The following GALNT13 variants were observed in gnomAD, a reference collection of about 807,000 sequenced individuals.
GALNT13 encodes polypeptide N-acetylgalactosaminyltransferase 13, also known as UDP-GalNAc:polypeptide N-acetylgalactosaminyltransferase 13.
A neutral mutation model predicts 64.2 loss-of-function variants in GALNT13; 28 were observed. The ratio of observed to expected loss-of-function variants is 0.44; its 90% CI spans 0.32 to 0.60. The LOEUF is 0.60. GALNT13 is among the 20% of genes least tolerant of loss of function. The pLI is 0.05. For missense variants in GALNT13, 577 were observed against 669.8 expected, an observed-to-expected ratio of 0.86 and a Z score of 1.53; for synonymous variants, 214 against 224.6, an observed-to-expected ratio of 0.95 and a Z score of 0.42.
chr2:154,193,564 C>A (rs1391317580), intron 4 of GALNT13, among the ~76,000 whole-genome samples: 2 of 152,220 alleles, frequency 1.3e-5, no homozygotes, highest in African/African-American at 2.4e-5. Flanking sequence ...AGATTCCTGG[C>A]CTGATCAGTG....
Position 154,363,815 on chromosome 2 carries a change from C to G in GALNT13, c.1157-32176C>G, listed in dbSNP as rs796823089. On this transcript the variant is annotated intron_variant, in intron 9 of 12. Transcript: ENST00000392825. Reference sequence around the variant, plus strand: ...AATGTCTATATTCATCTGAAAATATCACCCAAGTGCTTTATCCCATCTACA... The same window carrying G: ...AATGTCTATATTCATCTGAAAATATGACCCAAGTGCTTTATCCCATCTACA... Among the ~76,000 whole-genome samples the G allele has an allele frequency of 1.7e-4, 26 of 152,288 alleles. 1 individual carries two copies. Among genetic ancestry groups the G allele is most frequent in the African/African-American group, 6.3e-4 (26 of 41,572 alleles).
At chr2:153,099,730 G>A in the GALNT13 span, among the ~76,000 whole-genome samples, 2 of 152,164 alleles carry the variant, frequency 1.3e-5, no homozygotes, top group African/African-American at 4.8e-5. Context: ...TCTTATGGAT[G>A]TATCTCTTAT....
the GALNT13 span, among the ~76,000 whole-genome samples, chr2:153,635,138 A>T: frequency 6.6e-6 from 1 of 151,626 alleles, no homozygotes; most frequent in Admixed American, 6.6e-5. Context: ...TGGAGGTGAG[A>T]CTCTTGAAGC....
chr2:153,876,708 G>T (rs371256523), intron 1 of GALNT13, among the ~76,000 whole-genome samples: 2 of 152,032 alleles, frequency 1.3e-5, no homozygotes, highest in South Asian at 4.1e-4. Flanking sequence ...GTGTGATTCT[G>T]ATTACTGTGT....
At chr2:153,867,197 CT>C (rs1364365148), upstream of GALNT13, among the ~76,000 whole-genome samples, 1 of 152,130 alleles carries the variant, frequency 6.6e-6, no homozygotes, top group Admixed American at 6.6e-5. Context: ...GCCCAACCTC[CT>C]TGCTTTCCCA....
At chr2:153,436,967 C>G in the GALNT13 span, among the ~76,000 whole-genome samples, 2 of 152,172 alleles carry the variant, frequency 1.3e-5, no homozygotes, top group African/African-American at 4.8e-5. Context: ...GCATTTAGTG[C>G]TATAAATTTC....
the GALNT13 span, among the ~76,000 whole-genome samples, chr2:153,542,785 C>T: frequency 3.3e-5 from 5 of 152,264 alleles, no homozygotes; most frequent in Non-Finnish European, 5.9e-5. Flanking sequence ...TTTGGTCAAG[C>T]AAAGAATCTT....
At chr2:154,102,475 G>A (rs1025054103) in intron 3 of GALNT13, among the ~76,000 whole-genome samples, 5 of 152,054 alleles carry the variant, frequency 3.3e-5, no homozygotes, top group African/African-American at 9.7e-5. Context: ...CTAAACATGA[G>A]GACACAAAGG....
At chr2:153,542,776 T>C in the GALNT13 span, among the ~76,000 whole-genome samples, 2 of 152,188 alleles carry the variant, frequency 1.3e-5, no homozygotes, top group African/African-American at 4.8e-5. Context: ...TGACAAAAGT[T>C]TGGTCAAGCA....
At chr2:154,289,156 T>C (rs1390653976) in intron 8 of GALNT13, among the ~76,000 whole-genome samples, 2 of 152,206 alleles carry the variant, frequency 1.3e-5, no homozygotes, top group African/African-American at 2.4e-5. Context: ...CCACCAAAGT[T>C]TGGGGCTTGC....
At chr2:153,081,875 G>T in the GALNT13 span, among the ~76,000 whole-genome samples, 2 of 152,094 alleles carry the variant, frequency 1.3e-5, no homozygotes, top group Non-Finnish European at 1.5e-5. Flanking sequence ...TTTTTGTGGG[G>T]TGTTTACCAA....
At chr2:154,035,731 A>G (rs1698622861) in intron 3 of GALNT13, among the ~76,000 whole-genome samples, 3 of 152,164 alleles carry the variant, frequency 2.0e-5, no homozygotes, top group East Asian at 1.9e-4. Flanking sequence ...TACATTTGGA[A>G]TAATAATACA....
At chr2:153,784,607 C>G in the GALNT13 span, among the ~76,000 whole-genome samples, 1 of 152,184 alleles carries the variant, frequency 6.6e-6, no homozygotes, top group African/African-American at 2.4e-5. Flanking sequence ...CAGGCACTCC[C>G]AGAGCCCCAG....
In GALNT13 at chr2:154,450,806, GTTTGC is replaced by G. The variant is rs1553536766; in HGVS notation, c.*259_*263del. 16 of 339,038 alleles carry G rather than the reference GTTTGC, an allele frequency of 4.7e-5. No individual in the cohort carries two copies. The highest frequency in any genetic ancestry group is 1.1e-5 in the Non-Finnish European group (2 of 187,464). The allele number at this position is 339,038 out of a possible 1,614,324, so 21.0% of individuals were successfully genotyped here. On this transcript the variant is annotated 3_prime_UTR_variant, in exon 13 of 13. Transcript: ENST00000392825. ...CAGAACAACTTGTAAAACAAATTGT[GTTTGC>G]TTTAAGAAAAATGTTTATTGCACTC...
At chr2:153,138,675 T>C in the GALNT13 span, among the ~76,000 whole-genome samples, 1 of 152,108 alleles carries the variant, frequency 6.6e-6, no homozygotes, top group Admixed American at 6.6e-5. Context: ...AGATTTTAAA[T>C]GTTATCTATG....
the GALNT13 span, among the ~76,000 whole-genome samples, chr2:153,249,067 A>G: frequency 1.3e-5 from 2 of 152,182 alleles, no homozygotes; most frequent in Non-Finnish European, 2.9e-5. Flanking sequence ...TGGTATTCAA[A>G]TAGAAAGAGA....
At chr2:153,747,355 ACCCTCACTAC>A in the GALNT13 span, among the ~76,000 whole-genome samples, 304 of 146,208 alleles carry the variant, frequency 2.1e-3, 2 homozygotes, top group African/African-American at 7.5e-3. Context: ...ACCCCCTGAA[ACCCTCACTAC>A]CCTTCCCAGC....
At chr2:153,352,392 T>C in the GALNT13 span, among the ~76,000 whole-genome samples, 1 of 152,178 alleles carries the variant, frequency 6.6e-6, no homozygotes, top group Non-Finnish European at 1.5e-5. Flanking sequence ...AAATATTTTC[T>C]TCCAGTTTGC....
At chr2:153,871,836 C>T (rs1309438383), upstream of GALNT13, 2 of 144,824 alleles carry the variant, frequency 1.4e-5, no homozygotes, top group Non-Finnish European at 3.0e-5. Flanking sequence ...CAGGCTGGGG[C>T]TACGAGAGGA....
Sources: gnomAD v4.1 joint callset for allele counts (sites outside exome capture counted in the v4.1 genomes callset) on GRCh38, gnomAD v4.1.1 for gene constraint, MANE v1.5 for transcripts, NCBI Gene and HGNC (gene_info 2026-07-23, HGNC 2026-07-21) for gene names.